Variants in SLC24A2 observed in about 807,000 individuals in gnomAD.
SLC24A2 encodes the protein solute carrier family 24 member 2, also known as sodium/potassium/calcium exchanger 2.
A neutral mutation model predicts 62.0 loss-of-function variants in SLC24A2; 36 were observed. The observed-to-expected ratio is 0.58, with a 90% CI of 0.44 to 0.77. The LOEUF (loss-of-function observed/expected upper bound fraction) is 0.77, where lower values mean the gene tolerates loss of function less well. SLC24A2 is among the 30% of genes least tolerant of loss of function. The pLI is 0.00. For synonymous variants in SLC24A2, 358 were observed against 294.0 expected (o/e 1.22, Z -2.23); for missense variants, 846 against 817.9 (o/e 1.03, Z -0.42).
At chr9:19,918,288 T>C in the SLC24A2 span, among the ~76,000 whole-genome samples, 1 of 152,014 alleles carries the variant, frequency 6.6e-6, no homozygotes, top group African/African-American at 2.4e-5. Context: ...TTTGCTAGTA[T>C]TTAGCACTTC....
the SLC24A2 span, among the ~76,000 whole-genome samples, chr9:20,302,639 G>C: frequency 1.3e-5 from 2 of 152,114 alleles, no homozygotes; most frequent in South Asian, 2.1e-4. Flanking sequence ...TCCTTTATCA[G>C]ACTGCCTTTT....
At position 19,541,472 on chromosome 9, in the gene SLC24A2, G is replaced by A. The variant is rs940207096; in HGVS notation, c.1479+8665C>T. The stretch of plus-strand genomic sequence containing the variant: ...CTGTTGGAATACCCTGCAGTGTGAG[G>A]TGTCAGTGTGCCCCTGCTGGGGGGT... On this transcript the variant is annotated intron_variant, in intron 8 of 10. Transcript: ENST00000341998. Among the ~76,000 whole-genome samples the A allele has an allele frequency of 2.6e-4, 40 of 151,452 alleles. No individual in the cohort carries two copies. The East Asian group carries it at 7.4e-3, about 28-fold the overall frequency.
intron 7 of SLC24A2, among the ~76,000 whole-genome samples, chr9:19,553,709 C>G (rs1388900378): frequency 6.6e-6 from 1 of 152,224 alleles, no homozygotes; most frequent in African/African-American, 2.4e-5. Context: ...ACCACCAACA[C>G]CTGCAAGCAG....
intron 2 of SLC24A2, among the ~76,000 whole-genome samples, chr9:19,708,966 G>A (rs1820623838): frequency 1.3e-5 from 2 of 152,014 alleles, no homozygotes; most frequent in South Asian, 4.1e-4. Flanking sequence ...ATAGTGAATG[G>A]CAACCTACAA....
chr9:20,092,395 C>A, the SLC24A2 span, among the ~76,000 whole-genome samples: 949 of 152,014 alleles, frequency 6.2e-3, 5 homozygotes, highest in Admixed American at 0.011. Context: ...TGAATGCAGC[C>A]CAACGCAAAT....
the SLC24A2 span, among the ~76,000 whole-genome samples, chr9:20,293,051 A>G: frequency 2.0e-5 from 3 of 152,128 alleles, no homozygotes; most frequent in Admixed American, 6.5e-5. Context: ...CATAACATCA[A>G]TCTCTGCCTT....
the SLC24A2 span, among the ~76,000 whole-genome samples, chr9:20,212,978 C>T: frequency 6.6e-6 from 1 of 151,650 alleles, no homozygotes; most frequent in Non-Finnish European, 1.5e-5. Context: ...AATGTGAACA[C>T]ATAGACACAG....
At position 19,515,878 on chromosome 9, in the gene SLC24A2, C is replaced by T. The variant is rs943563257; in HGVS notation, c.*275G>A. 4 of 450,622 alleles carry T rather than the reference C, an allele frequency of 8.9e-6. No individual in the cohort carries two copies. The highest frequency in any genetic ancestry group is 6.5e-4 in the Middle Eastern group (1 of 1,538). 27.9% of individuals were successfully genotyped at this position (450,622 alleles called of 1,614,324 possible). ...TTGTTTGCATCGACTGTACCTCCGA[C>T]CAGCGAGGTGTACTTGTCAGTGGTG... On this transcript the variant is annotated 3_prime_UTR_variant, in exon 11 of 11. Transcript: ENST00000341998.
chr9:19,524,409 A>T (rs1833340713), intron 9 of SLC24A2, among the ~76,000 whole-genome samples: 1 of 135,058 alleles, frequency 7.4e-6, no homozygotes, highest in Non-Finnish European at 1.5e-5. Context: ...CAAAAACAAA[A>T]GATAAAGGCA....
chr9:20,221,437 A>G, the SLC24A2 span, among the ~76,000 whole-genome samples: 3 of 152,116 alleles, frequency 2.0e-5, no homozygotes, highest in African/African-American at 7.2e-5. Flanking sequence ...GTGAAAAAAT[A>G]AAACAAACAA....
chr9:19,593,710 C>T (rs1318708453), intron 5 of SLC24A2, among the ~76,000 whole-genome samples: 1 of 152,072 alleles, frequency 6.6e-6, no homozygotes, highest in African/African-American at 2.4e-5. Context: ...GCCCCTGTTC[C>T]ACTCCCCATC....
At chr9:19,856,887 G>C in the SLC24A2 span, among the ~76,000 whole-genome samples, 1 of 152,186 alleles carries the variant, frequency 6.6e-6, no homozygotes, top group Non-Finnish European at 1.5e-5. Context: ...TATCTGGACT[G>C]CTTGGCCTCT....
chr9:20,046,259 C>T, the SLC24A2 span, among the ~76,000 whole-genome samples: 1 of 152,210 alleles, frequency 6.6e-6, no homozygotes, highest in African/African-American at 2.4e-5. Flanking sequence ...TGTCAGCATC[C>T]ATCTTCATAC....
At chr9:19,540,491 C>A (rs1386247056) in intron 8 of SLC24A2, among the ~76,000 whole-genome samples, 1 of 151,422 alleles carries the variant, frequency 6.6e-6, no homozygotes, top group Admixed American at 6.6e-5. Context: ...ATATGAAATT[C>A]TGGGTTGAAA....
the SLC24A2 span, among the ~76,000 whole-genome samples, chr9:20,037,230 G>A: frequency 2.5e-4 from 38 of 152,134 alleles, 1 homozygote; most frequent in African/African-American, 6.7e-4. Context: ...TTACTTACAC[G>A]CCCAACACAA....
chr9:20,081,872 A>T, the SLC24A2 span, among the ~76,000 whole-genome samples: 10 of 152,172 alleles, frequency 6.6e-5, no homozygotes, highest in Non-Finnish European at 1.5e-5. Context: ...AAATATTCTA[A>T]TTAATGTTAT....
chr9:19,617,596 T>A (rs1407805786), intron 4 of SLC24A2, among the ~76,000 whole-genome samples: 1 of 152,168 alleles, frequency 6.6e-6, no homozygotes, highest in Non-Finnish European at 1.5e-5. Flanking sequence ...CAAAGGATCG[T>A]CTTGCATATC....
chr9:19,614,828 T>C (rs1214636543), intron 4 of SLC24A2, among the ~76,000 whole-genome samples: 1 of 152,030 alleles, frequency 6.6e-6, no homozygotes, highest in Non-Finnish European at 1.5e-5. Context: ...CCTTTGTAGG[T>C]GTTAAGCTTG....
chr9:19,750,347 C>T (rs1475029093), intron 2 of SLC24A2, among the ~76,000 whole-genome samples: 1 of 151,874 alleles, frequency 6.6e-6, no homozygotes, highest in Non-Finnish European at 1.5e-5. Context: ...CTCAATTCAC[C>T]CTCTTCCTCT....
Sources: gnomAD v4.1 joint callset for allele counts (sites outside exome capture counted in the v4.1 genomes callset) on GRCh38, gnomAD v4.1.1 for gene constraint, MANE v1.5 for transcripts, NCBI Gene and HGNC (gene_info 2026-07-23, HGNC 2026-07-21) for gene names.